The following E2F7 variants were observed in gnomAD, a reference collection of about 807,000 sequenced individuals.
E2F7 encodes the protein transcription factor E2F7.
In E2F7, 35 loss-of-function variants were observed where a neutral mutation model predicts 81.1. The ratio of observed to expected loss-of-function variants is 0.43; its 90% CI spans 0.33 to 0.57. The LOEUF (loss-of-function observed/expected upper bound fraction) is 0.57. Among genes scored for constraint, E2F7 ranks in the 20% least tolerant of loss-of-function variants. The pLI, the probability that E2F7 is intolerant of heterozygous loss-of-function variation, is 0.04. For synonymous variants in E2F7, 416 were observed against 416.2 expected (o/e 1.00, Z 0.01); for missense variants, 961 against 1,093.7 (o/e 0.88, Z 1.71).
chr12:77,050,749 A>G lies in E2F7; in HGVS notation c.370-5T>C, dbSNP rs760484748. ...ACTGTCCCCAACAACATCAAGCTAC[A>G]GAGGGCAGATAGAAGGGAGGGGGAA... On this transcript the variant is annotated splice_polypyrimidine_tract_variant and splice_region_variant and intron_variant, in intron 3 of 12. Transcript: ENST00000322886. 1.9e-6 allele frequency: 3 copies of G among 1,612,014 alleles called. No homozygotes were observed. Among genetic ancestry groups the G allele is most frequent in the Non-Finnish European group, 2.5e-6 (3 of 1,178,832 alleles).
intron 2 of E2F7, among the ~76,000 whole-genome samples, chr12:77,059,247 A>G (rs1187013175): frequency 6.6e-5 from 10 of 152,194 alleles, no homozygotes; most frequent in Admixed American, 2.0e-4. Flanking sequence ...TGCCAACCCA[A>G]TTGTTTTCTA....
chr12:77,038,463 T>C (rs1314377506), intron 7 of E2F7, among the ~76,000 whole-genome samples: 1 of 152,154 alleles, frequency 6.6e-6, no homozygotes, highest in East Asian at 1.9e-4. Flanking sequence ...GAAAGGTATG[T>C]GGAAAATCCC....
At chr12:77,026,072 G>C in intron 11 of E2F7, 90 bp from the exon 12 acceptor site, 4 of 1,397,196 alleles carry the variant, frequency 2.9e-6, no homozygotes, top group Non-Finnish European at 3.8e-6. Context: ...TTTCAAACGG[G>C]AGTCCACAAT....
Position 77,030,333 on chromosome 12 carries a change from C to A in E2F7, c.1383-1G>T. On this transcript the variant is annotated splice_acceptor_variant, in intron 9 of 12. Transcript: ENST00000322886. LOFTEE classifies it high-confidence loss of function. ...TCTCTTACTGGCAAAGGCTTTTCCC[C>A]TATAATAAAAAAGAAACGTAACGAA... 6.6e-7 allele frequency: 1 copy of A among 1,525,392 alleles called. No individual in the cohort carries two copies. The highest frequency in any genetic ancestry group is 8.8e-7 in the Non-Finnish European group (1 of 1,137,940). 94.5% of individuals were successfully genotyped at this position (1,525,392 alleles called of 1,614,324 possible). A position where few individuals can be genotyped will look rare whatever the true frequency, so the allele number is the denominator to read the frequency against.
Position 77,030,044 on chromosome 12 carries a change from C to T in E2F7, c.1671G>A (p.Leu557=). The part of the protein sequence containing the change: ...VYVPSASLFM[L]YGSLQEGPAS... ...CTGGTCCCTCCTGCAGACTTCCATA[C>T]AGCATGAACAGTGAGGCAGAGGGCA... Residue 557 remains leucine, a synonymous_variant, in exon 10 of 13, where the codon CTG becomes CTA. Transcript: ENST00000322886. 6.2e-7 allele frequency: 1 copy of T among 1,614,212 alleles called. No individual in the cohort carries two copies. Among genetic ancestry groups the T allele is most frequent in the Non-Finnish European group, 8.5e-7 (1 of 1,180,036 alleles).
rs754533401 is a variant in E2F7, at chr12:77,045,838, G to A, written c.829+200C>T. 3.2e-4 allele frequency: 200 copies of A among 625,916 alleles called. 1 individual carries two copies. The highest frequency in any genetic ancestry group is 2.5e-3 in the Admixed American group (79 of 32,214). The allele number at this position is 625,916 out of a possible 1,614,324, so 38.8% of individuals were successfully genotyped here. On this transcript the variant is annotated intron_variant, in intron 5 of 12. Coordinates refer to ENST00000322886, the MANE Select transcript of E2F7 (RefSeq NM_203394.3). ...AGGCCAAACTCGAGTGAACTGCCAT[G>A]AGCCAGGTTTATTTCAATGAGGTCA...
chr12:77,024,560 G>C (rs558152534), intron 12 of E2F7, among the ~76,000 whole-genome samples: 1 of 152,278 alleles, frequency 6.6e-6, no homozygotes, highest in African/African-American at 2.4e-5. Flanking sequence ...TAATTGTAAA[G>C]CACTTTAGAG....
chr12:77,025,859 G>A lies in E2F7; in HGVS notation c.2264C>T (p.Pro755Leu), dbSNP rs1954753813. Residue 755 changes from proline (P) to leucine (L), a missense_variant, in exon 12 of 13, where the codon CCT becomes CTT. Pro to Leu is a moderately conservative substitution (Grantham distance 98). This residue lies in a region of E2F7 where 587 missense variants were observed against 620.3 expected (regional missense o/e 0.95). Coordinates refer to ENST00000322886, the MANE Select transcript of E2F7 (RefSeq NM_203394.3). ...TGCAGGAGAATAGAGAACAGGAAAA[G>A]GGCCCAGAGGTGGAGATGGTAAGAC... is the stretch of plus-strand genomic sequence containing the variant. ...CMVLPSPPLG[P>L]FPVLYSPAMP... 1.2e-6 allele frequency: 2 copies of A among 1,613,946 alleles called. No individual in the cohort carries two copies. Among genetic ancestry groups the A allele is most frequent in the African/African-American group, 2.7e-5 (2 of 74,900 alleles).
rs745577385 is a variant in E2F7, at chr12:77,024,093, C to A, written c.2658G>T (p.Lys886Asn). Residue 886 changes from lysine (K) to asparagine (N), a missense_variant, in exon 13 of 13, where the codon AAG becomes AAT. Lys to Asn is a moderately conservative substitution (Grantham distance 94). Coordinates refer to ENST00000322886, the MANE Select transcript of E2F7 (RefSeq NM_203394.3). ...TTCGTGACTGGTTCCTTTCTCTTCTCTTCAGGACAGGGTCTCCAAGGCTGC... is the reference window on the plus strand; with the variant it reads ...TTCGTGACTGGTTCCTTTCTCTTCTATTCAGGACAGGGTCTCCAAGGCTGC... ...TPGSLGDPVLKRRERNQSRNT... is the reference protein window; with the variant it reads ...TPGSLGDPVLNRRERNQSRNT... The A allele has an allele frequency of 1.2e-6, 2 of 1,614,094 alleles. No individual in the cohort carries two copies. The highest frequency in any genetic ancestry group is 1.7e-6 in the Non-Finnish European group (2 of 1,180,026).
chr12:77,051,235 G>A (rs910427267), intron 3 of E2F7, among the ~76,000 whole-genome samples: 1 of 152,198 alleles, frequency 6.6e-6, no homozygotes. Flanking sequence ...AATGAAGGCA[G>A]TCCAATCATA....
At chr12:77,058,180 A>T (rs1202673924) in intron 2 of E2F7, among the ~76,000 whole-genome samples, 1 of 152,180 alleles carries the variant, frequency 6.6e-6, no homozygotes, top group Admixed American at 6.5e-5. Flanking sequence ...TTAGTGTGCT[A>T]TTCTGATAAA....
At chr12:77,044,561 T>A in intron 6 of E2F7, 76 bp downstream of exon 6, 1 of 1,530,772 alleles carries the variant, frequency 6.5e-7, no homozygotes, top group Non-Finnish European at 8.9e-7. Context: ...ATTTTTAATC[T>A]TGGAAGCAGA....
chr12:77,022,810 A>G lies in E2F7; in HGVS notation c.*1205T>C, dbSNP rs559141667. 1 of 152,294 alleles carries G rather than the reference A, an allele frequency of 6.6e-6. No individual in the cohort carries two copies. Among genetic ancestry groups the G allele is most frequent in the African/African-American group, 2.4e-5 (1 of 41,568 alleles). The allele number at this position is 152,294 out of a possible 1,614,324, so 9.4% of individuals were successfully genotyped here. A position where few individuals can be genotyped will look rare whatever the true frequency, so the allele number is the denominator to read the frequency against. On this transcript the variant is annotated 3_prime_UTR_variant, in exon 13 of 13. Transcript: ENST00000322886. ...AAGTAATGTGGGTTAAAAAAGGGAA[A>G]TTGCATAACAGTTTCCAGAATTGTA...
chr12:77,062,960 G>A (rs1446108305), intron 2 of E2F7, among the ~76,000 whole-genome samples: 6 of 151,466 alleles, frequency 4.0e-5, no homozygotes, highest in Admixed American at 3.3e-4. Flanking sequence ...GGCCAACTGC[G>A]GTCCAAAAAT....
chr12:77,032,696 G>A (rs1267878728), intron 9 of E2F7, among the ~76,000 whole-genome samples: 2 of 152,182 alleles, frequency 1.3e-5, no homozygotes, highest in African/African-American at 2.4e-5. Flanking sequence ...AAGGCTCCTG[G>A]AACGGTACCT....
At chr12:77,026,691 T>C (rs1313509976) in intron 11 of E2F7, among the ~76,000 whole-genome samples, 3 of 152,206 alleles carry the variant, frequency 2.0e-5, no homozygotes, top group Non-Finnish European at 4.4e-5. Context: ...TACCTTGACT[T>C]TGTCATTAGG....
intron 2 of E2F7, among the ~76,000 whole-genome samples, chr12:77,058,914 A>C (rs1955055939): frequency 1.3e-5 from 2 of 152,176 alleles, no homozygotes; most frequent in Admixed American, 6.5e-5. Context: ...AGCAAGTTCC[A>C]CATGTCTTGT....
chr12:77,056,060 G>C lies in E2F7; in HGVS notation c.164C>G (p.Ser55Trp). ...TTCTGGAGTAAATTTTTTTTGCTTCGATAAATCAATTGGTTCATTTTTTAT... is the reference window on the plus strand; with the variant it reads ...TTCTGGAGTAAATTTTTTTTGCTTCCATAAATCAATTGGTTCATTTTTTAT... ...TPIKNEPIDL[S>W]KQKKFTPERN... The change falls in exon 3 of 13, where the codon TCG becomes TGG. Residue 55 changes from serine (S) to tryptophan (W), a missense_variant. Transcript: ENST00000322886. The C allele has an allele frequency of 6.2e-7, 1 of 1,613,934 alleles. No individual in the cohort carries two copies. The highest frequency in any genetic ancestry group is 8.5e-7 in the Non-Finnish European group (1 of 1,179,970).
At chr12:77,049,529 A>G (rs1954969436) in intron 4 of E2F7, among the ~76,000 whole-genome samples, 1 of 152,152 alleles carries the variant, frequency 6.6e-6, no homozygotes, top group African/African-American at 2.4e-5. Context: ...CAAGTTATAG[A>G]CCAAAAGAAG....
Sources: gnomAD v4.1 joint callset for allele counts (sites outside exome capture counted in the v4.1 genomes callset) on GRCh38, gnomAD v4.1.1 for gene constraint, gnomAD v4.1.1 regional missense constraint, MANE v1.5 for transcripts, NCBI Gene and HGNC (gene_info 2026-07-23, HGNC 2026-07-21) for gene names.